Variants in STAU1 observed in about 807,000 individuals in gnomAD.
STAU1 encodes the protein double-stranded RNA-binding protein Staufen homolog 1.
STAU1 carries 13 observed loss-of-function variants against 62.9 expected under a neutral mutation model. The ratio of observed to expected loss-of-function variants is 0.21; its 90% CI spans 0.13 to 0.33. The LOEUF (loss-of-function observed/expected upper bound fraction) is 0.33, where lower values mean the gene tolerates loss of function less well. STAU1 is among the 10% of genes least tolerant of loss of function. STAU1 has a pLI of 1.00. For synonymous variants in STAU1, 269 were observed against 265.1 expected, an observed-to-expected ratio of 1.01 and a Z score of -0.14; for missense variants, 571 against 712.1, an observed-to-expected ratio of 0.80 and a Z score of 2.25.
chr20:49,134,672 GA>G, intron 6 of STAU1: 1 of 1,126,152 alleles, frequency 8.9e-7, no homozygotes, highest in South Asian at 1.2e-5. Flanking sequence ...GAATGAAGCT[GA>G]TAGGACCTTG....
At chr20:49,203,906 C>G in the STAU1 span, among the ~76,000 whole-genome samples, 13 of 152,154 alleles carry the variant, frequency 8.5e-5, no homozygotes, top group Non-Finnish European at 1.6e-4. Flanking sequence ...AGACTGGTCT[C>G]GAAATCCTGA....
At chr20:49,191,607 G>A (rs534571505), upstream of STAU1, among the ~76,000 whole-genome samples, 4 of 152,172 alleles carry the variant, frequency 2.6e-5, no homozygotes, top group Non-Finnish European at 5.9e-5. Flanking sequence ...GTTGATTGGT[G>A]TATGTCAGGG....
intron 5 of STAU1, among the ~76,000 whole-genome samples, chr20:49,151,141 T>A (rs2146226242): frequency 6.6e-6 from 1 of 152,334 alleles, no homozygotes; most frequent in South Asian, 2.1e-4. Context: ...TGGTCTGTTA[T>A]GAGGCAAAAG....
chr20:49,153,807 C>T, intron 4 of STAU1, 126 bp downstream of exon 4: 3 of 930,322 alleles, frequency 3.2e-6, no homozygotes, highest in Non-Finnish European at 4.3e-6. Flanking sequence ...TTAAGACCAA[C>T]TTCAACACTT....
At chr20:49,136,897 C>G (rs763037640) in intron 5 of STAU1, among the ~76,000 whole-genome samples, 6 of 152,162 alleles carry the variant, frequency 3.9e-5, no homozygotes, top group Non-Finnish European at 8.8e-5. Context: ...GGGGTTTCAC[C>G]ATGTTGGTCA....
Position 49,166,609 on chromosome 20 carries a change from T to G in STAU1, c.-84-324A>C, listed in dbSNP as rs77791018. ...ATAGCTTACATTCAAAAATGCAAAT[T>G]TGAAAGTATGGAGAGGTTTCCATAG... On this transcript the variant is annotated intron_variant, in intron 2 of 13. Coordinates refer to ENST00000371856, the MANE Select transcript of STAU1 (RefSeq NM_017453.4). 1.8e-4 allele frequency among the ~76,000 whole-genome samples: 27 copies of G among 152,262 alleles called. 1 individual carries two copies. Among genetic ancestry groups the G allele is most frequent in the South Asian group, 8.3e-4 (4 of 4,830 alleles).
intron 4 of STAU1, among the ~76,000 whole-genome samples, chr20:49,152,019 C>T (rs2093260050): frequency 6.6e-6 from 1 of 152,196 alleles, no homozygotes; most frequent in African/African-American, 2.4e-5. Context: ...CACTAACCTG[C>T]ACTGACAAAA....
intron 4 of STAU1, among the ~76,000 whole-genome samples, chr20:49,152,138 C>T (rs1432727347): frequency 6.6e-6 from 1 of 152,132 alleles, no homozygotes; most frequent in African/African-American, 2.4e-5. Flanking sequence ...AATTTTAATG[C>T]ACAAGTCTTT....
At chr20:49,123,267 T>A (rs757274376) in intron 7 of STAU1, 32 bp from the exon 8 acceptor site, 1 of 1,614,004 alleles carries the variant, frequency 6.2e-7, no homozygotes, top group Non-Finnish European at 8.5e-7. Context: ...AACTCTGTAA[T>A]GTTATTCACC....
At chr20:49,163,070 T>C (rs2093473299) in intron 3 of STAU1, among the ~76,000 whole-genome samples, 2 of 151,948 alleles carry the variant, frequency 1.3e-5, no homozygotes, top group African/African-American at 2.4e-5. Flanking sequence ...CGTGTGCCTA[T>C]AGTCCCAGCT....
chr20:49,180,319 CT>C (rs10671718), intron 1 of STAU1, among the ~76,000 whole-genome samples: 16,056 of 86,832 alleles, frequency 0.18, 987 homozygotes, highest in Non-Finnish European at 0.22. Flanking sequence ...GACTACAGTT[CT>C]TTTTTTTTTT....
At chr20:49,183,820 CAA>C (rs2093755014) in intron 1 of STAU1, among the ~76,000 whole-genome samples, 1 of 152,112 alleles carries the variant, frequency 6.6e-6, no homozygotes, top group Non-Finnish European at 1.5e-5. Flanking sequence ...TTGATACAAA[CAA>C]GAGTTAGGTT....
At chr20:49,135,772 T>C (rs2092867618) in intron 6 of STAU1, 61 bp downstream of exon 6, 2 of 1,276,256 alleles carry the variant, frequency 1.6e-6, no homozygotes, top group Non-Finnish European at 1.1e-6. Context: ...AAAAAATAAC[T>C]CTTATGATGA....
the STAU1 span, among the ~76,000 whole-genome samples, chr20:49,213,829 T>C: frequency 6.6e-6 from 1 of 152,158 alleles, no homozygotes; most frequent in Non-Finnish European, 1.5e-5. Flanking sequence ...AAAATGGAGA[T>C]GGAAAACTGA....
At chr20:49,142,230 G>T (rs1439273442) in intron 5 of STAU1, among the ~76,000 whole-genome samples, 1 of 152,016 alleles carries the variant, frequency 6.6e-6, no homozygotes, top group African/African-American at 2.4e-5. Flanking sequence ...GGGACTACAG[G>T]CACAAGCCAC....
At chr20:49,198,663 C>T in the STAU1 span, among the ~76,000 whole-genome samples, 1 of 150,690 alleles carries the variant, frequency 6.6e-6, no homozygotes, top group South Asian at 2.1e-4. Flanking sequence ...AACTCCATCT[C>T]TACTAAAAAT....
At chr20:49,218,914 G>T in the STAU1 span, among the ~76,000 whole-genome samples, 1 of 150,166 alleles carries the variant, frequency 6.7e-6, no homozygotes, top group South Asian at 2.1e-4. Context: ...TACTCAGAAG[G>T]CTGAGGCGGG....
At chr20:49,129,189 A>C (rs1039493867) in intron 6 of STAU1, among the ~76,000 whole-genome samples, 5 of 151,950 alleles carry the variant, frequency 3.3e-5, no homozygotes, top group East Asian at 1.9e-4. Flanking sequence ...ACACGAAAAG[A>C]AGCTCAGTAT....
At chr20:49,215,468 T>TA in the STAU1 span, among the ~76,000 whole-genome samples, 1 of 152,156 alleles carries the variant, frequency 6.6e-6, no homozygotes, top group Admixed American at 6.6e-5. Context: ...ATAGGAAACT[T>TA]ACACTTTAGA....
Sources: gnomAD v4.1 joint callset for allele counts (sites outside exome capture counted in the v4.1 genomes callset) on GRCh38, gnomAD v4.1.1 for gene constraint, MANE v1.5 for transcripts, NCBI Gene and HGNC (gene_info 2026-07-23, HGNC 2026-07-21) for gene names.